The following BMPR1A variants were observed in gnomAD, a reference collection of about 807,000 sequenced individuals.
BMPR1A encodes the protein bone morphogenetic protein receptor type-1A.
A neutral mutation model predicts 66.0 loss-of-function variants in BMPR1A; 7 were observed. The observed-to-expected ratio is 0.11, with a 90% CI of 0.06 to 0.20. The LOEUF is 0.20. Among genes scored for constraint, BMPR1A ranks in the 10% least tolerant of loss-of-function variants. The probability of loss-of-function intolerance (pLI) is 1.00; values close to 1 mark genes in which losing one functional copy is unlikely to be tolerated. For missense variants in BMPR1A, 408 were observed against 669.1 expected, an observed-to-expected ratio of 0.61 and a Z score of 4.31; for synonymous variants, 200 against 229.7, an observed-to-expected ratio of 0.87 and a Z score of 1.17.
chr10:86,807,330 T>A (rs1841901685), intron 1 of BMPR1A, among the ~76,000 whole-genome samples: 1 of 152,080 alleles, frequency 6.6e-6, no homozygotes, highest in Non-Finnish European at 1.5e-5. Context: ...TTAAAAAAAT[T>A]GAAGTATAAT....
chr10:86,921,432 A>G (rs2133604994), intron 10 of BMPR1A, 88 bp from the exon 11 acceptor site: 8 of 1,561,318 alleles, frequency 5.1e-6, no homozygotes, highest in Non-Finnish European at 7.0e-6. Flanking sequence ...AAGGAGAAAA[A>G]GAAGCTTTTA....
intron 2 of BMPR1A, among the ~76,000 whole-genome samples, chr10:86,873,438 T>TAAA (rs56028836): frequency 7.3e-6 from 1 of 136,884 alleles, no homozygotes. Context: ...CCTATTAAAT[T>TAAA]AAAAAAAAAA....
At chr10:86,855,005 C>G (rs1489000767) in intron 2 of BMPR1A, 1 of 199,788 alleles carries the variant, frequency 5.0e-6, no homozygotes, top group Non-Finnish European at 1.0e-5. Flanking sequence ...GGTGCAACCT[C>G]CACTCCCTGC....
chr10:86,923,054 G>A (rs898763772), intron 11 of BMPR1A, among the ~76,000 whole-genome samples: 1 of 152,198 alleles, frequency 6.6e-6, no homozygotes, highest in Non-Finnish European at 1.5e-5. Flanking sequence ...TCATTAGTAG[G>A]AACAACCATA....
At chr10:86,773,606 A>G (rs1841300294) in intron 1 of BMPR1A, among the ~76,000 whole-genome samples, 1 of 151,102 alleles carries the variant, frequency 6.6e-6, no homozygotes, top group Admixed American at 6.6e-5. Context: ...AGAAAAAAAA[A>G]AAAAAAAAAA....
chr10:86,892,629 A>T (rs993815894), intron 5 of BMPR1A, among the ~76,000 whole-genome samples: 3 of 151,974 alleles, frequency 2.0e-5, no homozygotes, highest in Non-Finnish European at 4.4e-5. Flanking sequence ...AGGTTTTACC[A>T]TGTTGCCCAG....
chr10:86,904,587 A>T (rs1271784121), intron 7 of BMPR1A, among the ~76,000 whole-genome samples: 1 of 152,216 alleles, frequency 6.6e-6, no homozygotes, highest in Non-Finnish European at 1.5e-5. Flanking sequence ...CCTACCCAAC[A>T]AGAAATGTGA....
At chr10:86,838,536 A>C (rs972216779) in intron 1 of BMPR1A, among the ~76,000 whole-genome samples, 1 of 151,680 alleles carries the variant, frequency 6.6e-6, no homozygotes, top group African/African-American at 2.4e-5. Context: ...GTAGAATTGT[A>C]CATTTCGGTG....
At chr10:86,802,357 A>G (rs570425638) in intron 1 of BMPR1A, among the ~76,000 whole-genome samples, 3 of 152,310 alleles carry the variant, frequency 2.0e-5, no homozygotes, top group South Asian at 4.1e-4. Flanking sequence ...TTTTGGGCTA[A>G]TTTATGAAAG....
chr10:86,906,380 A>G (rs548675428), intron 7 of BMPR1A, among the ~76,000 whole-genome samples: 43 of 152,112 alleles, frequency 2.8e-4, no homozygotes, highest in African/African-American at 9.9e-4. Context: ...ATGGTTTGCT[A>G]TCTTTCATTA....
intron 1 of BMPR1A, among the ~76,000 whole-genome samples, chr10:86,831,435 T>C (rs751162430): frequency 5.9e-5 from 9 of 152,234 alleles, no homozygotes; most frequent in Non-Finnish European, 1.3e-4. Flanking sequence ...TTAGATGACA[T>C]TGGGTAACTT....
chr10:86,859,504 T>C (rs1218342926), intron 2 of BMPR1A, among the ~76,000 whole-genome samples: 1 of 151,952 alleles, frequency 6.6e-6, no homozygotes, highest in East Asian at 1.9e-4. Flanking sequence ...TTGCCTGCAA[T>C]ATGAAGAGAT....
At position 86,790,162 on chromosome 10, in the gene BMPR1A, CAA is replaced by C. The variant is rs1170317792; in HGVS notation, c.-268+33269_-268+33270del. 2.4e-3 allele frequency among the ~76,000 whole-genome samples: 17 copies of C among 7,222 alleles called. 2 individuals carry two copies. Among genetic ancestry groups the C allele is most frequent in the South Asian group, 0.059 (2 of 34 alleles). 4.7% of individuals were successfully genotyped at this position (7,222 alleles called of 152,430 possible). On this transcript the variant is annotated intron_variant, in intron 1 of 12. Coordinates refer to ENST00000372037, the MANE Select transcript of BMPR1A (RefSeq NM_004329.3). ...GGACGACAGAGCGAGACTCTGTCTC[CAA>C]AAAAAAAAAAAAAAAAAAAAAAAAA...
chr10:86,789,432 G>T (rs996668127), intron 1 of BMPR1A, among the ~76,000 whole-genome samples: 1 of 152,076 alleles, frequency 6.6e-6, no homozygotes, highest in Non-Finnish European at 1.5e-5. Flanking sequence ...CACATAACTG[G>T]CTGGGCGCCG....
chr10:86,774,140 G>A (rs140480169), intron 1 of BMPR1A, among the ~76,000 whole-genome samples: 3,322 of 152,062 alleles, frequency 0.022, 104 homozygotes, highest in African/African-American at 0.073. Context: ...GTGAGCCACC[G>A]CGCCCAGCCT....
chr10:86,879,689 A>G (rs1227166177), intron 3 of BMPR1A, among the ~76,000 whole-genome samples: 1 of 152,206 alleles, frequency 6.6e-6, no homozygotes, highest in Non-Finnish European at 1.5e-5. Context: ...GCAGCTACTA[A>G]TCCAGGACTT....
chr10:86,913,846 G>A (rs529828051), intron 8 of BMPR1A, among the ~76,000 whole-genome samples: 3 of 152,208 alleles, frequency 2.0e-5, no homozygotes, highest in Admixed American at 6.5e-5. Context: ...TCAAATTGGT[G>A]TGTAATTTCA....
chr10:86,893,234 A>G (rs972462061), intron 5 of BMPR1A, among the ~76,000 whole-genome samples: 2 of 152,150 alleles, frequency 1.3e-5, no homozygotes. Context: ...GGTAACCACT[A>G]AAGTTGAAAA....
chr10:86,896,379 A>G (rs1268461863), intron 5 of BMPR1A, among the ~76,000 whole-genome samples: 1 of 152,210 alleles, frequency 6.6e-6, no homozygotes, highest in Non-Finnish European at 1.5e-5. Flanking sequence ...GTTTTGATCA[A>G]TTTTATGCTA....
Sources: allele counts gnomAD v4.1 joint callset (sites outside exome capture counted in the v4.1 genomes callset), GRCh38; gene constraint gnomAD v4.1.1; transcripts MANE v1.5; gene names NCBI Gene and HGNC (gene_info 2026-07-23, HGNC 2026-07-21).